The following NFIB variants were observed in gnomAD, a reference collection of about 807,000 sequenced individuals.
NFIB encodes the protein nuclear factor I B.
NFIB carries 11 observed loss-of-function variants against 61.5 expected under a neutral mutation model. The ratio of observed to expected loss-of-function variants is 0.18; its 90% confidence interval spans 0.11 to 0.30. The LOEUF (loss-of-function observed/expected upper bound fraction) is 0.30. Ranked by LOEUF, NFIB falls within the 10% of genes least tolerant of loss-of-function variation. The pLI is 1.00. For missense variants in NFIB, 471 were observed against 608.9 expected (o/e 0.77, Z 2.38); for synonymous variants, 260 against 216.5 (o/e 1.20, Z -1.76).
intron 2 of NFIB, among the ~76,000 whole-genome samples, chr9:14,231,134 A>AT (rs1563926386): frequency 0.014 from 1,001 of 73,720 alleles, 3 homozygotes; most frequent in African/African-American, 0.03. Context: ...AAAAAAAAAA[A>AT]AATATATATA....
the NFIB span, among the ~76,000 whole-genome samples, chr9:14,423,395 G>A: frequency 6.6e-6 from 1 of 152,174 alleles, no homozygotes; most frequent in Non-Finnish European, 1.5e-5. Flanking sequence ...CAGAGATGTG[G>A]ACAAGGGGAC....
the NFIB span, among the ~76,000 whole-genome samples, chr9:14,488,649 C>T: frequency 1.3e-5 from 2 of 152,112 alleles, no homozygotes; most frequent in African/African-American, 4.8e-5. Flanking sequence ...TGGTGTGAAG[C>T]AAGGGCCACG....
chr9:14,145,133 G>A (rs1051658131), intron 6 of NFIB, among the ~76,000 whole-genome samples: 3 of 152,034 alleles, frequency 2.0e-5, no homozygotes, highest in Admixed American at 2.0e-4. Context: ...CGTCTGAGGG[G>A]GGGGTCTCAC....
At chr9:14,191,822 AT>A (rs754291986) in intron 2 of NFIB, among the ~76,000 whole-genome samples, 2 of 152,206 alleles carry the variant, frequency 1.3e-5, no homozygotes, top group Non-Finnish European at 2.9e-5. Flanking sequence ...TGCACGTACC[AT>A]TACATATGGC....
chr9:14,453,299 T>A, the NFIB span, among the ~76,000 whole-genome samples: 1 of 152,344 alleles, frequency 6.6e-6, no homozygotes, highest in Non-Finnish European at 1.5e-5. Flanking sequence ...ATGAAGCTAG[T>A]CTGTCATGTT....
chr9:14,525,716 A>G, the NFIB span, among the ~76,000 whole-genome samples: 2 of 152,170 alleles, frequency 1.3e-5, no homozygotes, highest in Non-Finnish European at 2.9e-5. Flanking sequence ...TTTGAAATGG[A>G]AAATCCTGAA....
chr9:14,435,748 A>G, the NFIB span, among the ~76,000 whole-genome samples: 1 of 152,250 alleles, frequency 6.6e-6, no homozygotes, highest in East Asian at 1.9e-4. Flanking sequence ...CCTAGCAGAC[A>G]CTGTAAGCTC....
intron 6 of NFIB, among the ~76,000 whole-genome samples, chr9:14,134,897 CAAAA>C (rs57014530): frequency 0.094 from 6,056 of 64,168 alleles, 256 homozygotes; most frequent in African/African-American, 0.25. Flanking sequence ...GACTCTGTCT[CAAAA>C]AAAAAAAAAA....
rs1442211722 is a variant in NFIB, at chr9:14,313,989, CGGGA to C, written c.-482_-479del. 2.2e-4 allele frequency: 5 copies of C among 22,276 alleles called. No individual in the cohort carries two copies. The highest frequency in any genetic ancestry group is 2.6e-4 in the Non-Finnish European group (5 of 19,292). The allele number at this position is 22,276 out of a possible 1,614,324, so 1.4% of individuals were successfully genotyped here. ...GGGCGCAGGAGGGCGAGCGGGCGGG[CGGGA>C]GGGAGAGCGGGGAGAATGTGTCACC... is the stretch of plus-strand genomic sequence containing the variant. On this transcript the variant is annotated 5_prime_UTR_variant, in exon 1 of 11. Coordinates refer to ENST00000380953, the MANE Select transcript of NFIB (RefSeq NM_001190737.2). This position sits in a 1 kb window ranked among gnomAD's most constrained non-coding sequence, Gnocchi z 4.5.
the NFIB span, among the ~76,000 whole-genome samples, chr9:14,487,377 T>A: frequency 6.6e-6 from 1 of 152,236 alleles, no homozygotes; most frequent in Non-Finnish European, 1.5e-5. Flanking sequence ...AGCATGTAAC[T>A]GGCAGAGAGA....
chr9:14,141,333 T>C (rs555264427), intron 6 of NFIB, among the ~76,000 whole-genome samples: 1 of 152,316 alleles, frequency 6.6e-6, no homozygotes, highest in East Asian at 1.9e-4. Flanking sequence ...TGCCTAAATA[T>C]AGCTTGAGAG....
At chr9:14,317,885 A>T (rs920066896), upstream of NFIB, among the ~76,000 whole-genome samples, 1 of 152,248 alleles carries the variant, frequency 6.6e-6, no homozygotes, top group East Asian at 1.9e-4. Context: ...AAGTGCCTGC[A>T]TTGTATTCAC....
the NFIB span, among the ~76,000 whole-genome samples, chr9:14,433,484 G>C: frequency 1.3e-5 from 2 of 152,140 alleles, no homozygotes; most frequent in Non-Finnish European, 2.9e-5. Flanking sequence ...ATAAGGGACA[G>C]TTCATTTTCT....
At chr9:14,459,142 C>T in the NFIB span, among the ~76,000 whole-genome samples, 1 of 151,710 alleles carries the variant, frequency 6.6e-6, no homozygotes, top group Admixed American at 6.6e-5. Context: ...GTAATCAAAA[C>T]AGCATGGTAC....
At chr9:14,283,168 C>T (rs946768233) in intron 2 of NFIB, among the ~76,000 whole-genome samples, 1 of 152,160 alleles carries the variant, frequency 6.6e-6, no homozygotes, top group Non-Finnish European at 1.5e-5. Context: ...AAGAGATTAA[C>T]ATTTAGCACA....
intron 1 of NFIB, chr9:14,321,958 T>A: frequency 8.1e-7 from 1 of 1,231,314 alleles, no homozygotes. Flanking sequence ...CTGTATTGCA[T>A]TAAATAAAAG....
chr9:14,308,680 AC>A (rs746251261), intron 1 of NFIB, among the ~76,000 whole-genome samples: 23 of 150,602 alleles, frequency 1.5e-4, no homozygotes, highest in Non-Finnish European at 1.5e-4. Context: ...ATCAGTTAGA[AC>A]TGTGGGTGCA....
the NFIB span, among the ~76,000 whole-genome samples, chr9:14,530,262 G>T: frequency 6.6e-6 from 1 of 152,088 alleles, no homozygotes; most frequent in Non-Finnish European, 1.5e-5. Context: ...TTTTCCCCAA[G>T]CATCTGCCAG....
intron 1 of NFIB, among the ~76,000 whole-genome samples, chr9:14,388,533 G>A (rs979033426): frequency 2.6e-5 from 4 of 151,506 alleles, no homozygotes; most frequent in African/African-American, 9.7e-5. Context: ...GAGAGGGAAG[G>A]GAAGGAGGGA....
Sources: gnomAD v4.1 joint callset for allele counts (sites outside exome capture counted in the v4.1 genomes callset) on GRCh38, gnomAD v4.1.1 for gene constraint, Gnocchi (gnomAD v3.1) non-coding constraint, MANE v1.5 for transcripts, NCBI Gene and HGNC (gene_info 2026-07-23, HGNC 2026-07-21) for gene names.